The following NR6A1 variants were observed in gnomAD, a reference collection of about 807,000 sequenced individuals.
The protein encoded by NR6A1 is retinoic acid receptor-related testis-associated receptor.
Under a neutral mutation model 59.1 loss-of-function variants are expected in NR6A1, and 7 were observed. The observed-to-expected ratio is 0.12, with a 90% CI of 0.07 to 0.22. The LOEUF is 0.22. NR6A1 is among the 10% of genes least tolerant of loss of function. The pLI is 1.00. For missense variants in NR6A1, 468 were observed against 611.6 expected (o/e 0.77, Z 2.48); for synonymous variants, 243 against 236.1 (o/e 1.03, Z -0.27).
chr9:124,528,778 CA>C (rs1353561552), intron 7 of NR6A1, among the ~76,000 whole-genome samples: 1 of 151,752 alleles, frequency 6.6e-6, no homozygotes, highest in Non-Finnish European at 1.5e-5. Context: ...AGAAAAAAAA[CA>C]ACCTCCCCCA....
intron 2 of NR6A1, among the ~76,000 whole-genome samples, chr9:124,685,374 G>C (rs1411612335): frequency 6.6e-6 from 1 of 152,210 alleles, no homozygotes; most frequent in Non-Finnish European, 1.5e-5. Flanking sequence ...GCCCAGGCTG[G>C]AGTGCAGTTG....
intron 2 of NR6A1, among the ~76,000 whole-genome samples, chr9:124,726,727 C>T (rs180957287): frequency 3.8e-4 from 58 of 152,316 alleles, no homozygotes; most frequent in African/African-American, 1.3e-3. Flanking sequence ...ACAGTAAATA[C>T]ATGAGCCAGT....
At chr9:124,571,002 G>A (rs1386424876) in intron 2 of NR6A1, among the ~76,000 whole-genome samples, 1 of 152,178 alleles carries the variant, frequency 6.6e-6, no homozygotes, top group African/African-American at 2.4e-5. Flanking sequence ...TGGCAGTGGA[G>A]GAGATGGACA....
chr9:124,712,124 A>G (rs576758434), intron 2 of NR6A1, among the ~76,000 whole-genome samples: 19 of 152,126 alleles, frequency 1.2e-4, no homozygotes, highest in Non-Finnish European at 2.1e-4. Context: ...ATACATTAAC[A>G]CAGGTTCTCA....
chr9:124,629,023 C>T (rs757629274), intron 2 of NR6A1, among the ~76,000 whole-genome samples: 1 of 152,224 alleles, frequency 6.6e-6, no homozygotes, highest in Non-Finnish European at 1.5e-5. Context: ...GCAAGTGACA[C>T]GTCAAGCCAA....
At chr9:124,647,497 G>A (rs1458602534) in intron 2 of NR6A1, among the ~76,000 whole-genome samples, 1 of 152,118 alleles carries the variant, frequency 6.6e-6, no homozygotes, top group Non-Finnish European at 1.5e-5. Context: ...GGAGGCTGAG[G>A]TGGGTGCATC....
chr9:124,664,308 G>A (rs1487903198), intron 2 of NR6A1, among the ~76,000 whole-genome samples: 4 of 152,222 alleles, frequency 2.6e-5, no homozygotes, highest in Non-Finnish European at 5.9e-5. Flanking sequence ...ATTGTGCGAT[G>A]TAGTTTAGAA....
intron 2 of NR6A1, among the ~76,000 whole-genome samples, chr9:124,729,937 C>T (rs569492970): frequency 2.6e-5 from 4 of 152,138 alleles, no homozygotes; most frequent in East Asian, 1.9e-4. Context: ...CTCAGCCTCC[C>T]GAGTAGCTGG....
rs558357531 is a variant in NR6A1 at position 124,526,138 on chromosome 9, T to C, written c.1201+641A>G. Among the ~76,000 whole-genome samples the C allele has an allele frequency of 4.6e-5, 7 of 152,304 alleles. No individual in the cohort carries two copies. The South Asian group carries it at 8.3e-4, about 18-fold the overall frequency. On this transcript the variant is annotated intron_variant, in intron 8 of 9. Transcript: ENST00000487099. Reference sequence around the variant, plus strand: ...GCCACTATAGGAGCAGAGTACACATTAGCTATTTTGGAAAAAAGAGAATAC... The same window carrying C: ...GCCACTATAGGAGCAGAGTACACATCAGCTATTTTGGAAAAAAGAGAATAC...
chr9:124,538,780 T>A (rs1278702775), intron 5 of NR6A1, among the ~76,000 whole-genome samples: 1 of 151,826 alleles, frequency 6.6e-6, no homozygotes, highest in Non-Finnish European at 1.5e-5. Flanking sequence ...CCCTAAATAG[T>A]CCAAGGAAAG....
chr9:124,765,618 G>T (rs1476362740), intron 1 of NR6A1, among the ~76,000 whole-genome samples: 1 of 152,136 alleles, frequency 6.6e-6, no homozygotes, highest in Non-Finnish European at 1.5e-5. Context: ...GCAGCTGGGG[G>T]TGGGGAAAAA....
At chr9:124,536,166 T>C (rs749636048) in intron 6 of NR6A1, 34 bp from the exon 7 acceptor site, 20 of 1,598,876 alleles carry the variant, frequency 1.3e-5, no homozygotes, top group Non-Finnish European at 1.6e-5. Context: ...GTCACTTCCA[T>C]TGGTCAGAGG....
At chr9:124,622,131 G>A (rs993736764) in intron 2 of NR6A1, among the ~76,000 whole-genome samples, 6 of 152,274 alleles carry the variant, frequency 3.9e-5, no homozygotes, top group East Asian at 1.9e-4. Context: ...TGAGAGGATC[G>A]CTTGAGCCTG....
intron 2 of NR6A1, among the ~76,000 whole-genome samples, chr9:124,578,608 C>T (rs1330121545): frequency 6.6e-6 from 1 of 152,208 alleles, no homozygotes; most frequent in African/African-American, 2.4e-5. Context: ...ATGCCACCAT[C>T]ATCTCTCATT....
intron 2 of NR6A1, among the ~76,000 whole-genome samples, chr9:124,601,831 C>G (rs1437875063): frequency 7.9e-5 from 12 of 151,650 alleles, no homozygotes; most frequent in Admixed American, 6.6e-4. Context: ...GTGGCACACG[C>G]CTGAAGCCCA....
chr9:124,743,405 T>C (rs1426263981), intron 1 of NR6A1, among the ~76,000 whole-genome samples: 2 of 152,248 alleles, frequency 1.3e-5, no homozygotes, highest in Non-Finnish European at 2.9e-5. Flanking sequence ...ACAAATGTCA[T>C]GGTCACATTT....
rs58609931 is a variant in NR6A1, at chr9:124,711,187, T to TAAAA, written c.142+22117_142+22120dup. On this transcript the variant is annotated intron_variant, in intron 2 of 9. Coordinates refer to ENST00000487099, the MANE Select transcript of NR6A1 (RefSeq NM_033334.4). ...TTACATGCCTAAGTCAGCTAAGGTT[T>TAAAA]AAAAAAAAAAAAAAAAAAAAAAAAA... 5.9e-3 allele frequency among the ~76,000 whole-genome samples: 391 copies of TAAAA among 66,486 alleles called. 13 individuals carry two copies. Among genetic ancestry groups the TAAAA allele is most frequent in the African/African-American group, 0.023 (373 of 15,992 alleles). 43.6% of individuals were successfully genotyped at this position (66,486 alleles called of 152,430 possible).
chr9:124,593,960 C>G (rs1835201561), intron 2 of NR6A1, among the ~76,000 whole-genome samples: 1 of 152,184 alleles, frequency 6.6e-6, no homozygotes, highest in South Asian at 2.1e-4. Context: ...ACAGATCAGG[C>G]CTGCCACAGT....
intron 1 of NR6A1, among the ~76,000 whole-genome samples, chr9:124,753,940 A>G (rs186939563): frequency 2.6e-5 from 4 of 152,366 alleles, no homozygotes; most frequent in South Asian, 4.1e-4. Flanking sequence ...AAAGGGGCAC[A>G]TATCTTAAAT....
Sources: gnomAD v4.1 joint callset for allele counts (sites outside exome capture counted in the v4.1 genomes callset) on GRCh38, gnomAD v4.1.1 for gene constraint, MANE v1.5 for transcripts, NCBI Gene and HGNC (gene_info 2026-07-23, HGNC 2026-07-21) for gene names.